POLD3: variants seen among roughly 807,000 people sequenced by gnomAD.
The protein encoded by POLD3 is DNA polymerase delta subunit 3.
In POLD3, 19 loss-of-function variants were observed where a neutral mutation model predicts 58.2. The ratio of observed to expected loss-of-function variants is 0.33; its 90% CI spans 0.23 to 0.48. POLD3 has a LOEUF of 0.48. POLD3 is among the 20% of genes least tolerant of loss of function. POLD3 has a pLI of 0.99. For synonymous variants in POLD3, 172 were observed against 193.5 expected (o/e 0.89, Z 0.92); for missense variants, 504 against 545.5 (o/e 0.92, Z 0.76).
chr11:74,612,236 T>C (rs4944917), intron 4 of POLD3, among the ~76,000 whole-genome samples: 40,113 of 152,010 alleles, frequency 0.26, 5,680 homozygotes, highest in South Asian at 0.42. Context: ...TTCAGAGTGG[T>C]GGGTTTGTCC....
At chr11:74,631,814 G>A (rs2032601598) in intron 9 of POLD3, among the ~76,000 whole-genome samples, 1 of 152,100 alleles carries the variant, frequency 6.6e-6, no homozygotes, top group Non-Finnish European at 1.5e-5. Flanking sequence ...CTGGAAACAA[G>A]TTCAGATAGT....
chr11:74,601,197 G>A (rs2031483032), intron 2 of POLD3, among the ~76,000 whole-genome samples: 2 of 152,116 alleles, frequency 1.3e-5, no homozygotes, highest in South Asian at 4.1e-4. Context: ...AAGCATTTTG[G>A]GCATGGTACC....
At chr11:74,657,958 C>T (rs1283485991) in intron 4 of POLD3, among the ~76,000 whole-genome samples, 1 of 152,062 alleles carries the variant, frequency 6.6e-6, no homozygotes, top group Non-Finnish European at 1.5e-5. Flanking sequence ...ATATGTCATG[C>T]CACCCTCTCC....
intron 5 of POLD3, among the ~76,000 whole-genome samples, chr11:74,613,878 C>T (rs10219203): frequency 0.42 from 63,212 of 151,972 alleles, 14,266 homozygotes; most frequent in Non-Finnish European, 0.51. Flanking sequence ...GGCAGGGGCA[C>T]TTATCTCCCA....
chr11:74,635,839 G>A (rs1166432352), intron 10 of POLD3, among the ~76,000 whole-genome samples: 2 of 152,160 alleles, frequency 1.3e-5, no homozygotes, highest in African/African-American at 2.4e-5. Flanking sequence ...ACACTGTATT[G>A]CAGTGGTCTG....
chr11:74,629,154 G>A (rs1009889866), intron 8 of POLD3, 63 bp from the exon 9 acceptor site: 5 of 930,226 alleles, frequency 5.4e-6, no homozygotes, highest in African/African-American at 1.7e-5. Context: ...ACCCATAAGA[G>A]CATGTGAATA....
Position 74,625,432 on chromosome 11 carries a change from C to T in POLD3, c.758C>T (p.Ser253Leu). The T allele has an allele frequency of 6.2e-7, 1 of 1,609,576 alleles. No individual in the cohort carries two copies. Among genetic ancestry groups the T allele is most frequent in the Non-Finnish European group, 8.5e-7 (1 of 1,178,544 alleles). Residue 253 changes from serine (S) to leucine (L), a missense_variant, in exon 8 of 12, where the codon TCA becomes TTA. Physicochemically the swap from Ser to Leu is moderately radical, Grantham distance 145. Coordinates refer to ENST00000263681, the MANE Select transcript of POLD3 (RefSeq NM_006591.3). ...GATAAATTTAAAGTCAATTTGGACTCAGAACAAGCAGTGAAAGAAGAAAAA... is the reference window on the plus strand; with the variant it reads ...GATAAATTTAAAGTCAATTTGGACTTAGAACAAGCAGTGAAAGAAGAAAAA... ...AMNKFKVNLD[S>L]EQAVKEEKIV... is the part of the protein sequence containing the mutation.
At chr11:74,610,379 G>A (rs915795064) in intron 3 of POLD3, among the ~76,000 whole-genome samples, 2 of 151,690 alleles carry the variant, frequency 1.3e-5, no homozygotes, top group Non-Finnish European at 2.9e-5. Context: ...CCCAGCTAAT[G>A]TTTGTATTTT....
chr11:74,668,759 G>C, intron 4 of POLD3: 1 of 1,279,058 alleles, frequency 7.8e-7, no homozygotes, highest in South Asian at 1.2e-5. Flanking sequence ...TTTCCTTTCT[G>C]TTGTGTTTTT....
At chr11:74,614,305 A>C (rs1044807218) in intron 5 of POLD3, among the ~76,000 whole-genome samples, 1 of 152,242 alleles carries the variant, frequency 6.6e-6, no homozygotes, top group African/African-American at 2.4e-5. Context: ...AGGCAAGGCC[A>C]TCAGGGAGGA....
intron 7 of POLD3, among the ~76,000 whole-genome samples, chr11:74,621,252 C>T (rs751159972): frequency 7.2e-5 from 11 of 152,126 alleles, no homozygotes; most frequent in Non-Finnish European, 1.2e-4. Context: ...AACTCCACCT[C>T]CTGTCAGATC....
rs2032952612 is a variant in POLD3 at position 74,642,952 on chromosome 11, A to C, written c.*2186A>C. ...CATTTTTTAGTTCATCTAGAAGAAA[A>C]TCTAGCACATTGTATTAGTTTGGCT... On this transcript the variant is annotated 3_prime_UTR_variant, in exon 12 of 12. Coordinates refer to ENST00000263681, the MANE Select transcript of POLD3 (RefSeq NM_006591.3). 1.0e-6 allele frequency: 1 copy of C among 984,556 alleles called. No individual in the cohort carries two copies. The highest frequency in any genetic ancestry group is 6.2e-5 in the Admixed American group (1 of 16,254). The allele number at this position is 984,556 out of a possible 1,614,324, so 61.0% of individuals were successfully genotyped here.
At chr11:74,668,489 G>T (rs746708620) in intron 4 of POLD3, among the ~76,000 whole-genome samples, 1 of 152,156 alleles carries the variant, frequency 6.6e-6, no homozygotes, top group Non-Finnish European at 1.5e-5. Flanking sequence ...TACATATCAC[G>T]TAGCAAGGGG....
intron 4 of POLD3, among the ~76,000 whole-genome samples, chr11:74,657,904 A>T (rs983475892): frequency 2.0e-4 from 31 of 152,156 alleles, no homozygotes; most frequent in African/African-American, 7.0e-4. Flanking sequence ...TTTTCACCAG[A>T]TATACTATTC....
chr11:74,614,432 C>G (rs564480725), intron 5 of POLD3, among the ~76,000 whole-genome samples: 5 of 152,188 alleles, frequency 3.3e-5, no homozygotes, highest in African/African-American at 9.6e-5. Flanking sequence ...TCAGTTTGGC[C>G]GGGCACAGTG....
chr11:74,655,714 A>G (rs2033125770), intron 4 of POLD3, among the ~76,000 whole-genome samples: 2 of 152,196 alleles, frequency 1.3e-5, no homozygotes, highest in African/African-American at 4.8e-5. Flanking sequence ...AACATCCTCA[A>G]CCTGCTAAAT....
chr11:74,620,593 G>T (rs1331730148), intron 7 of POLD3, among the ~76,000 whole-genome samples: 1 of 152,152 alleles, frequency 6.6e-6, no homozygotes, highest in Non-Finnish European at 1.5e-5. Context: ...GGCCCAAGTA[G>T]TAATGGACAT....
chr11:74,632,044 A>C (rs2032609968), intron 9 of POLD3, among the ~76,000 whole-genome samples: 1 of 152,254 alleles, frequency 6.6e-6, no homozygotes, highest in Non-Finnish European at 1.5e-5. Context: ...AACATTAAGA[A>C]TAACATCTAC....
At chr11:74,629,658 C>T (rs981465122) in intron 9 of POLD3, among the ~76,000 whole-genome samples, 3 of 150,384 alleles carry the variant, frequency 2.0e-5, no homozygotes, top group Non-Finnish European at 3.0e-5. Flanking sequence ...AAAATTGTGA[C>T]GTTCTAGGCA....
Sources: gnomAD v4.1 joint callset for allele counts (sites outside exome capture counted in the v4.1 genomes callset) on GRCh38, gnomAD v4.1.1 for gene constraint, MANE v1.5 for transcripts, NCBI Gene and HGNC (gene_info 2026-07-23, HGNC 2026-07-21) for gene names.